Variants in CDH12 observed in about 807,000 individuals in gnomAD.
CDH12 encodes the protein cadherin-12.
Under a neutral mutation model 74.1 loss-of-function variants are expected in CDH12, and 41 were observed. The ratio of observed to expected loss-of-function variants is 0.55; its 90% CI spans 0.43 to 0.72. The LOEUF (loss-of-function observed/expected upper bound fraction) is 0.72. Ranked by LOEUF, CDH12 falls within the 30% of genes least tolerant of loss-of-function variation. The pLI is 0.00. For missense variants in CDH12, 945 were observed against 977.2 expected, an observed-to-expected ratio of 0.97 and a Z score of 0.44; for synonymous variants, 399 against 355.0, an observed-to-expected ratio of 1.12 and a Z score of -1.39.
At chr5:22,353,729 A>G (rs1387281344) in intron 3 of CDH12, among the ~76,000 whole-genome samples, 1 of 152,090 alleles carries the variant, frequency 6.6e-6, no homozygotes. Flanking sequence ...TTATTTCTGT[A>G]TTTGGTCTTT....
intron 12 of CDH12, among the ~76,000 whole-genome samples, chr5:21,761,252 T>G (rs1412715583): frequency 1.3e-5 from 2 of 152,146 alleles, no homozygotes; most frequent in Admixed American, 1.3e-4. Flanking sequence ...GTTACAAAAT[T>G]TTTCCTAAAT....
intron 1 of CDH12, among the ~76,000 whole-genome samples, chr5:22,850,111 T>C (rs1415297964): frequency 1.3e-5 from 2 of 152,098 alleles, no homozygotes; most frequent in Non-Finnish European, 2.9e-5. Context: ...GTAGAGTTCA[T>C]CTGTAATTTT....
chr5:22,214,673 A>G (rs1751732408), intron 3 of CDH12, among the ~76,000 whole-genome samples: 1 of 152,186 alleles, frequency 6.6e-6, no homozygotes, highest in African/African-American at 2.4e-5. Flanking sequence ...AAACGTTAAG[A>G]CAGGGCTTAT....
intron 3 of CDH12, among the ~76,000 whole-genome samples, chr5:22,313,229 G>T (rs1394967451): frequency 6.6e-6 from 1 of 151,998 alleles, no homozygotes; most frequent in African/African-American, 2.4e-5. Flanking sequence ...CCTCAGAGTG[G>T]GTATTAAACT....
intron 1 of CDH12, among the ~76,000 whole-genome samples, chr5:22,841,947 C>A (rs892741453): frequency 1.3e-5 from 2 of 152,092 alleles, no homozygotes; most frequent in Admixed American, 1.3e-4. Flanking sequence ...TCAGCTATAA[C>A]CACATGGTTC....
intron 2 of CDH12, among the ~76,000 whole-genome samples, chr5:22,468,962 A>G (rs1745848421): frequency 6.6e-6 from 1 of 152,136 alleles, no homozygotes; most frequent in Non-Finnish European, 1.5e-5. Flanking sequence ...TACATTGCTG[A>G]TTTACTTCTA....
chr5:22,702,053 T>G (rs1437548973), intron 1 of CDH12, among the ~76,000 whole-genome samples: 1 of 152,196 alleles, frequency 6.6e-6, no homozygotes, highest in Admixed American at 6.5e-5. Context: ...TAATTGTTGT[T>G]GTTTTATTCA....
At chr5:22,127,860 T>C (rs905894446) in intron 4 of CDH12, among the ~76,000 whole-genome samples, 3 of 152,028 alleles carry the variant, frequency 2.0e-5, no homozygotes, top group African/African-American at 7.2e-5. Context: ...TAATTGAAGA[T>C]ACAAGCAGCC....
intron 6 of CDH12, among the ~76,000 whole-genome samples, chr5:21,923,455 C>T (rs190630553): frequency 6.6e-6 from 1 of 152,304 alleles, no homozygotes; most frequent in African/African-American, 2.4e-5. Flanking sequence ...ATCCCTACCA[C>T]ATCTCAGCTA....
At chr5:22,132,642 G>A (rs990373516) in intron 4 of CDH12, among the ~76,000 whole-genome samples, 1 of 152,048 alleles carries the variant, frequency 6.6e-6, no homozygotes, top group Admixed American at 6.6e-5. Flanking sequence ...GGTCAGGAAA[G>A]GAAAATCCCT....
intron 1 of CDH12, among the ~76,000 whole-genome samples, chr5:22,777,817 A>G (rs974016261): frequency 6.6e-6 from 1 of 151,996 alleles, no homozygotes; most frequent in Non-Finnish European, 1.5e-5. Flanking sequence ...CCATAAATAT[A>G]TCAATATTTT....
intron 3 of CDH12, among the ~76,000 whole-genome samples, chr5:22,256,845 A>T (rs2150391022): frequency 6.6e-6 from 1 of 152,342 alleles, no homozygotes; most frequent in Non-Finnish European, 1.5e-5. Flanking sequence ...TAGGGAATAT[A>T]CCCAAAGGAT....
intron 4 of CDH12, among the ~76,000 whole-genome samples, chr5:22,083,259 G>A (rs1742857055): frequency 1.3e-5 from 2 of 152,094 alleles, no homozygotes; most frequent in South Asian, 2.1e-4. Context: ...CTGCATAATC[G>A]ACCTCTGCAT....
chr5:22,829,284 A>G (rs1736472239), intron 1 of CDH12, among the ~76,000 whole-genome samples: 1 of 152,196 alleles, frequency 6.6e-6, no homozygotes, highest in South Asian at 2.1e-4. Flanking sequence ...TTTTAGAGTC[A>G]TGCAACCTCA....
At chr5:22,802,279 A>G (rs1330561249) in intron 1 of CDH12, among the ~76,000 whole-genome samples, 2 of 150,906 alleles carry the variant, frequency 1.3e-5, no homozygotes, top group African/African-American at 2.4e-5. Flanking sequence ...CCGCCACCAC[A>G]CCCGGCTATT....
chr5:22,740,919 T>C (rs1580946704), intron 1 of CDH12, among the ~76,000 whole-genome samples: 1 of 152,242 alleles, frequency 6.6e-6, no homozygotes, highest in Non-Finnish European at 1.5e-5. Context: ...GAGATATTGT[T>C]AAACATCCCT....
chr5:22,838,136 G>C (rs1251973854), intron 1 of CDH12, among the ~76,000 whole-genome samples: 2 of 152,126 alleles, frequency 1.3e-5, no homozygotes, highest in Non-Finnish European at 2.9e-5. Flanking sequence ...TCTTCATTCA[G>C]CTCTTAACCC....
intron 3 of CDH12, among the ~76,000 whole-genome samples, chr5:22,221,265 A>G (rs1198045950): frequency 6.6e-6 from 1 of 151,946 alleles, no homozygotes; most frequent in Non-Finnish European, 1.5e-5. Context: ...CAGTATTAAT[A>G]GACACATATG....
At chr5:22,167,120 G>A (rs563676968) in intron 4 of CDH12, among the ~76,000 whole-genome samples, 1 of 152,126 alleles carries the variant, frequency 6.6e-6, no homozygotes, top group African/African-American at 2.4e-5. Context: ...CATACATATG[G>A]ATGAGAAAAG....
Sources: gnomAD v4.1 joint callset for allele counts (sites outside exome capture counted in the v4.1 genomes callset) on GRCh38, gnomAD v4.1.1 for gene constraint, MANE v1.5 for transcripts, NCBI Gene and HGNC (gene_info 2026-07-23, HGNC 2026-07-21) for gene names.